SF3A1: variants seen among roughly 807,000 people sequenced by gnomAD.
The protein encoded by SF3A1 is SAP 114.
SF3A1 carries 13 observed loss-of-function variants against 89.9 expected under a neutral mutation model. The observed-to-expected ratio is 0.14, with a 90% CI of 0.09 to 0.23. The LOEUF (loss-of-function observed/expected upper bound fraction) is 0.23, where lower values mean the gene tolerates loss of function less well. Ranked by LOEUF, SF3A1 falls within the 10% of genes least tolerant of loss-of-function variation. SF3A1 has a pLI of 1.00. For missense variants in SF3A1, 604 were observed against 1,022.1 expected, an observed-to-expected ratio of 0.59 and a Z score of 5.58; for synonymous variants, 405 against 374.4, an observed-to-expected ratio of 1.08 and a Z score of -0.94.
intron 2 of SF3A1, among the ~76,000 whole-genome samples, chr22:30,351,167 C>T (rs959669479): frequency 1.3e-5 from 2 of 152,106 alleles, no homozygotes; most frequent in South Asian, 4.1e-4. Flanking sequence ...GGCGTGGTGG[C>T]GCACGCCTGT....
chr22:30,348,877 T>C (rs1269076696), intron 2 of SF3A1, among the ~76,000 whole-genome samples: 2 of 152,216 alleles, frequency 1.3e-5, no homozygotes, highest in Admixed American at 1.3e-4. Context: ...GCCATAACTT[T>C]ACCCCATCTG....
chr22:30,348,546 C>T (rs1346650761), intron 2 of SF3A1, among the ~76,000 whole-genome samples: 1 of 152,056 alleles, frequency 6.6e-6, no homozygotes, highest in Non-Finnish European at 1.5e-5. Flanking sequence ...CAGTGCTGTG[C>T]CCCAGATCAA....
At chr22:30,349,691 G>T (rs1381147989) in intron 2 of SF3A1, among the ~76,000 whole-genome samples, 1 of 148,718 alleles carries the variant, frequency 6.7e-6, no homozygotes, top group African/African-American at 2.5e-5. Context: ...TTTGAGATAG[G>T]GTCTTGCTCT....
rs1285488303 is a variant in SF3A1 at position 30,344,989 on chromosome 22, G to A, written c.595C>T (p.Arg199Cys). The change falls in exon 4 of 16, where the codon CGC becomes TGC. Residue 199 changes from arginine (R) to cysteine (C), a missense_variant. Physicochemically the swap from Arg to Cys is radical, Grantham distance 180. Transcript: ENST00000215793. ...EQRNYQFDFLRPQHSLFNYFT... is the reference protein window; with the variant it reads ...EQRNYQFDFLCPQHSLFNYFT... The stretch of plus-strand genomic sequence containing the variant: ...TAGTTGAAGAGGCTGTGCTGTGGGC[G>A]GAGAAAGTCAAACTGGTAGTTGCGC... 6.2e-7 allele frequency: 1 copy of A among 1,614,218 alleles called. No individual in the cohort carries two copies. The highest frequency in any genetic ancestry group is 1.7e-5 in the Admixed American group (1 of 60,026).
At chr22:30,342,496 T>A in intron 5 of SF3A1, 146 bp from the exon 6 acceptor site, 1 of 888,326 alleles carries the variant, frequency 1.1e-6, no homozygotes. Context: ...TTGCACCTGG[T>A]TCCACCCAGG....
intron 13 of SF3A1, 146 bp from the exon 14 acceptor site, chr22:30,335,899 G>GT (rs1328402348): frequency 2.9e-6 from 2 of 680,412 alleles, no homozygotes; most frequent in African/African-American, 3.6e-5. Flanking sequence ...ATAACCCCTT[G>GT]TGAGGTTGTA....
intron 1 of SF3A1, among the ~76,000 whole-genome samples, chr22:30,356,241 A>C (rs985784386): frequency 6.6e-6 from 1 of 152,134 alleles, no homozygotes; most frequent in Non-Finnish European, 1.5e-5. Context: ...CATTCCGGTA[A>C]TGTGGGAGCC....
chr22:30,354,334 C>A (rs1216631998), intron 1 of SF3A1, among the ~76,000 whole-genome samples: 1 of 152,154 alleles, frequency 6.6e-6, no homozygotes, highest in African/African-American at 2.4e-5. Context: ...GTGCTCTTGA[C>A]AAAGTCAAAA....
chr22:30,352,901 G>A (rs2145823339), intron 2 of SF3A1, 50 bp downstream of exon 2: 1 of 1,606,836 alleles, frequency 6.2e-7, no homozygotes, highest in Non-Finnish European at 8.5e-7. Flanking sequence ...CAGTGCTGAA[G>A]TCTCTTCATG....
rs945031633 is a variant in SF3A1 at position 30,341,854 on chromosome 22, C to T, written c.909G>A (p.Glu303=). ...GNFPPPTTPE[E]LGARILIQER... is the part of the protein sequence containing the mutation. ...CCTGAATGAGGATTCGGGCCCCCAGCTCCTCTGGCGTGGTGGGGGGAGGGA... is the reference window on the plus strand; with the variant it reads ...CCTGAATGAGGATTCGGGCCCCCAGTTCCTCTGGCGTGGTGGGGGGAGGGA... Residue 303 remains glutamate (E), a synonymous_variant, in exon 7 of 16, where the codon GAG becomes GAA. Transcript: ENST00000215793. 6.2e-7 allele frequency: 1 copy of T among 1,613,656 alleles called. No individual in the cohort carries two copies. The highest frequency in any genetic ancestry group is 8.5e-7 in the Non-Finnish European group (1 of 1,179,976).
chr22:30,344,756 TAAAG>T (rs1231050127), intron 4 of SF3A1, among the ~76,000 whole-genome samples, 173 bp downstream of exon 4: 1 of 152,218 alleles, frequency 6.6e-6, no homozygotes, highest in African/African-American at 2.4e-5. Context: ...GTGTTGCACT[TAAAG>T]AAATAACTGA....
intron 5 of SF3A1, 60 bp downstream of exon 5, chr22:30,342,745 T>A: frequency 9.1e-7 from 1 of 1,096,240 alleles, no homozygotes; most frequent in East Asian, 2.4e-5. Flanking sequence ...GAGACTGTTT[T>A]CAGACATAAA....
Position 30,334,419 on chromosome 22 carries a change from T to A in SF3A1, c.*175A>T. 2.0e-6 allele frequency: 1 copy of A among 499,346 alleles called. No homozygotes were observed. Among genetic ancestry groups the A allele is most frequent in the South Asian group, 2.8e-5 (1 of 35,480 alleles). The allele number at this position is 499,346 out of a possible 1,614,324, so 30.9% of individuals were successfully genotyped here. ...GAAAACCCAGCTACTCTTACCAATG[T>A]GGGGAAAGGGTCAGGGGAATGAACC... On this transcript the variant is annotated 3_prime_UTR_variant, in exon 16 of 16. Transcript: ENST00000215793.
At chr22:30,355,864 T>C (rs1171964973) in intron 1 of SF3A1, among the ~76,000 whole-genome samples, 2 of 120,478 alleles carry the variant, frequency 1.7e-5, no homozygotes, top group African/African-American at 3.2e-5. Context: ...GATCAGCGTA[T>C]GTGTTCAATA....
chr22:30,340,644 C>A, intron 8 of SF3A1, 51 bp downstream of exon 8: 1 of 1,137,014 alleles, frequency 8.8e-7, no homozygotes, highest in South Asian at 1.3e-5. Context: ...CACATGAGGG[C>A]ACACAGGACT....
intron 1 of SF3A1, 62 bp downstream of exon 1, chr22:30,356,668 T>A: frequency 7.8e-7 from 1 of 1,279,736 alleles, no homozygotes; most frequent in South Asian, 1.6e-5. Context: ...CTTATTCCTG[T>A]GCGAGTAAGG....
Position 30,340,771 on chromosome 22 carries a change from G to A in SF3A1, c.1113C>T (p.Pro371=), listed in dbSNP as rs1383529823. The A allele has an allele frequency of 6.3e-7, 1 of 1,596,704 alleles. No individual in the cohort carries two copies. Among genetic ancestry groups the A allele is most frequent in the East Asian group, 2.3e-5 (1 of 43,984 alleles). The part of the protein sequence containing the change: ...DEEEGQKVPP[P]PETPMPPPLP... Reference sequence around the variant, plus strand: ...GAGGTGGAGGCATGGGTGTCTCTGGGGGTGGGGGCACTTTCTGCCCTTCTT... The same window carrying A: ...GAGGTGGAGGCATGGGTGTCTCTGGAGGTGGGGGCACTTTCTGCCCTTCTT... Residue 371 remains proline, a synonymous_variant, in exon 8 of 16, where the codon CCC becomes CCT. Coordinates refer to ENST00000215793, the MANE Select transcript of SF3A1 (RefSeq NM_005877.6).
intron 2 of SF3A1, 22 bp downstream of exon 2, chr22:30,352,929 C>T (rs1931646043): frequency 6.2e-7 from 1 of 1,613,418 alleles, no homozygotes; most frequent in Non-Finnish European, 8.5e-7. Flanking sequence ...CCACCTCTGA[C>T]CCACCCAAGT....
intron 15 of SF3A1, 54 bp from the exon 16 acceptor site, chr22:30,334,749 G>T: frequency 1.6e-6 from 2 of 1,251,650 alleles, no homozygotes; most frequent in Non-Finnish European, 2.3e-6. Flanking sequence ...TGGGGATACC[G>T]CTGCAACCTT....
Sources: gnomAD v4.1 joint callset for allele counts (sites outside exome capture counted in the v4.1 genomes callset) on GRCh38, gnomAD v4.1.1 for gene constraint, MANE v1.5 for transcripts, NCBI Gene and HGNC (gene_info 2026-07-23, HGNC 2026-07-21) for gene names.